The following FAM120B variants were observed in gnomAD, a reference collection of about 807,000 sequenced individuals.
FAM120B encodes the protein family with sequence similarity 120 member B.
In FAM120B, 83 loss-of-function variants were observed where a neutral mutation model predicts 96.3. The observed-to-expected ratio is 0.86, with a 90% CI of 0.72 to 1.03. The LOEUF (loss-of-function observed/expected upper bound fraction) is 1.03, where lower values mean the gene tolerates loss of function less well. Among genes scored for constraint, FAM120B ranks in the 50% least tolerant of loss-of-function variants. FAM120B has a pLI of 0.00. For missense variants in FAM120B, 1,027 were observed against 1,121.2 expected, an observed-to-expected ratio of 0.92 and a Z score of 1.20; for synonymous variants, 407 against 402.7, an observed-to-expected ratio of 1.01 and a Z score of -0.13.
chr6:170,347,813 A>C (rs1229087401), intron 4 of FAM120B, among the ~76,000 whole-genome samples: 1 of 152,218 alleles, frequency 6.6e-6, no homozygotes, highest in African/African-American at 2.4e-5. Flanking sequence ...CAAGTGCTCC[A>C]TCAGCTGTGA....
chr6:170,354,119 A>C (rs1339726838), intron 5 of FAM120B, among the ~76,000 whole-genome samples: 1 of 152,228 alleles, frequency 6.6e-6, no homozygotes, highest in East Asian at 1.9e-4. Context: ...ATAAGACCAC[A>C]CATCTACAAC....
intron 7 of FAM120B, among the ~76,000 whole-genome samples, chr6:170,389,017 G>C (rs1259223401): frequency 2.0e-5 from 3 of 152,186 alleles, no homozygotes; most frequent in South Asian, 4.1e-4. Flanking sequence ...TATATTTACT[G>C]TCCATTAAAT....
chr6:170,335,319 A>T (rs1562539638), intron 4 of FAM120B, among the ~76,000 whole-genome samples: 1 of 151,048 alleles, frequency 6.6e-6, no homozygotes, highest in South Asian at 2.1e-4. Flanking sequence ...TTGGTTTTCT[A>T]TTCTTGTGTT....
In FAM120B at chr6:170,406,504, G is replaced by C. The variant is rs563980205; in HGVS notation, c.*1753G>C. 9.3e-4 allele frequency: 141 copies of C among 152,292 alleles called. No homozygotes were observed. The highest frequency in any genetic ancestry group is 3.1e-3 in the African/African-American group (130 of 41,550). The allele number at this position is 152,292 out of a possible 1,614,324, so 9.4% of individuals were successfully genotyped here. A position where few individuals can be genotyped will look rare whatever the true frequency, so the allele number is the denominator to read the frequency against. On this transcript the variant is annotated 3_prime_UTR_variant, in exon 11 of 11. Coordinates refer to ENST00000476287, the MANE Select transcript of FAM120B (RefSeq NM_032448.3). ...TAAAATCCTGAGTGTTTATTAAAAA[G>C]GGACATGGTCTCTAGGTATCTTATT...
intron 6 of FAM120B, among the ~76,000 whole-genome samples, chr6:170,374,241 G>C (rs556874829): frequency 1.3e-5 from 2 of 152,174 alleles, no homozygotes; most frequent in Non-Finnish European, 2.9e-5. Flanking sequence ...TGGTTGTTTT[G>C]CCCATTTTGG....
At chr6:170,342,667 C>A (rs1346695119) in intron 4 of FAM120B, among the ~76,000 whole-genome samples, 2 of 152,180 alleles carry the variant, frequency 1.3e-5, no homozygotes, top group Non-Finnish European at 2.9e-5. Context: ...GGGGCTCGGT[C>A]CCTCCTGAAA....
intron 6 of FAM120B, among the ~76,000 whole-genome samples, chr6:170,371,443 A>C (rs1789183444): frequency 5.3e-5 from 8 of 152,172 alleles, no homozygotes; most frequent in Admixed American, 5.2e-4. Context: ...CCTGCTTAGC[A>C]ATTTCCTTAA....
chr6:170,398,208 C>G (rs1440192282), intron 9 of FAM120B, among the ~76,000 whole-genome samples: 1 of 152,252 alleles, frequency 6.6e-6, no homozygotes, highest in Non-Finnish European at 1.5e-5. Flanking sequence ...AGGCATCTGG[C>G]CTGGATAACC....
chr6:170,352,356 A>G (rs947528072), intron 5 of FAM120B, among the ~76,000 whole-genome samples: 1 of 152,136 alleles, frequency 6.6e-6, no homozygotes, highest in Non-Finnish European at 1.5e-5. Context: ...CCAACTGACA[A>G]ATATTAGATC....
intron 1 of FAM120B, among the ~76,000 whole-genome samples, chr6:170,312,059 A>G (rs190744443): frequency 5.9e-5 from 9 of 152,356 alleles, no homozygotes; most frequent in Admixed American, 2.6e-4. Flanking sequence ...TCTGTTATAC[A>G]TGACACTGTA....
chr6:170,382,806 T>C (rs1327542719), intron 6 of FAM120B, among the ~76,000 whole-genome samples: 1 of 152,154 alleles, frequency 6.6e-6, no homozygotes, highest in Non-Finnish European at 1.5e-5. Context: ...TTCTAAAATT[T>C]GTATGGAAGG....
rs2115090425 is a variant in FAM120B at position 170,336,376 on chromosome 6, C to CCAA, written c.2017+5826_2017+5827insCAA. Among the ~76,000 whole-genome samples, 2 of 151,654 alleles carry CCAA rather than the reference C, an allele frequency of 1.3e-5. 1 individual carries two copies. The highest frequency in any genetic ancestry group is 3.0e-5 in the Non-Finnish European group (2 of 67,686). On this transcript the variant is annotated intron_variant, in intron 4 of 10. Transcript: ENST00000476287. The stretch of plus-strand genomic sequence containing the variant: ...TGGTTGTAGATGTGTGGTGTTATTT[C>CCAA]TGAGGCCTTTGGTCTATATATCTGT...
intron 8 of FAM120B, among the ~76,000 whole-genome samples, chr6:170,393,467 A>G (rs923127094): frequency 3.9e-5 from 6 of 152,230 alleles, no homozygotes; most frequent in Non-Finnish European, 2.9e-5. Flanking sequence ...TCTGCATACA[A>G]ATGGGCAGAA....
At chr6:170,331,906 T>C (rs1786072133) in intron 4 of FAM120B, among the ~76,000 whole-genome samples, 1 of 152,248 alleles carries the variant, frequency 6.6e-6, no homozygotes, top group Non-Finnish European at 1.5e-5. Flanking sequence ...CGGAAGCCTG[T>C]GCCCTACATG....
chr6:170,300,415 TG>T (rs1456576583), intron 1 of FAM120B, among the ~76,000 whole-genome samples: 1 of 152,182 alleles, frequency 6.6e-6, no homozygotes, highest in Non-Finnish European at 1.5e-5. Context: ...GTGGGGATTA[TG>T]GGAACTACAG....
chr6:170,394,241 C>T (rs1790610587), intron 8 of FAM120B, among the ~76,000 whole-genome samples: 3 of 152,212 alleles, frequency 2.0e-5, no homozygotes, highest in Admixed American at 2.0e-4. Context: ...GAAGGTGAGT[C>T]AGCCTTAGAG....
Position 170,404,025 on chromosome 6 carries a change from G to C in FAM120B, c.2693-525G>C, listed in dbSNP as rs1035334737. Among the ~76,000 whole-genome samples, 12 of 152,174 alleles carry C rather than the reference G, an allele frequency of 7.9e-5. 1 individual carries two copies. Among genetic ancestry groups the C allele is most frequent in the Admixed American group, 7.9e-4 (12 of 15,276 alleles). On this transcript the variant is annotated intron_variant, in intron 9 of 10. Coordinates refer to ENST00000476287, the MANE Select transcript of FAM120B (RefSeq NM_032448.3). ...ATACACCAGAAGATAACTCAGAGCA[G>C]GGAACTCTGGAAGAAAAGTGTTATT...
chr6:170,301,147 C>T (rs1309478781), intron 1 of FAM120B, among the ~76,000 whole-genome samples: 1 of 152,266 alleles, frequency 6.6e-6, no homozygotes, highest in East Asian at 1.9e-4. Flanking sequence ...GCCTGGACAT[C>T]CAGGCATTTC....
chr6:170,406,907 T>C lies in FAM120B; in HGVS notation c.*2156T>C, dbSNP rs1778821661. Reference sequence around the variant, plus strand: ...TGTGTTTGGTTAACAAGCTCTTATTTAAGCCATTGAGTTAGTATAATCTTT... The same window carrying C: ...TGTGTTTGGTTAACAAGCTCTTATTCAAGCCATTGAGTTAGTATAATCTTT... On this transcript the variant is annotated 3_prime_UTR_variant, in exon 11 of 11. Transcript: ENST00000476287. 1 of 152,244 alleles carries C rather than the reference T, an allele frequency of 6.6e-6. No homozygotes were observed. 9.4% of individuals were successfully genotyped at this position (152,244 alleles called of 1,614,324 possible).
Sources: gnomAD v4.1 joint callset for allele counts (sites outside exome capture counted in the v4.1 genomes callset) on GRCh38, gnomAD v4.1.1 for gene constraint, MANE v1.5 for transcripts, NCBI Gene and HGNC (gene_info 2026-07-23, HGNC 2026-07-21) for gene names.